Variants in OLA1 observed in about 807,000 individuals in gnomAD.
OLA1 encodes obg-like ATPase 1.
In OLA1, 14 loss-of-function variants were observed where a neutral mutation model predicts 48.4. The observed-to-expected ratio is 0.29, with a 90% CI of 0.19 to 0.45. The LOEUF is 0.45. Among genes scored for constraint, OLA1 ranks in the 20% least tolerant of loss-of-function variants. The pLI is 1.00. For missense variants in OLA1, 325 were observed against 467.1 expected (o/e 0.70, Z 2.80); for synonymous variants, 127 against 150.4 (o/e 0.84, Z 1.14).
intron 4 of OLA1, among the ~76,000 whole-genome samples, chr2:174,169,574 C>G (rs1687248999): frequency 2.0e-5 from 3 of 152,178 alleles, no homozygotes; most frequent in Admixed American, 6.5e-5. Flanking sequence ...CAAAAATATT[C>G]TTAAAGAATG....
intron 4 of OLA1, among the ~76,000 whole-genome samples, chr2:174,178,754 TG>T (rs1024584485): frequency 1.3e-5 from 2 of 151,990 alleles, no homozygotes; most frequent in African/African-American, 4.8e-5. Flanking sequence ...AATTATTTTA[TG>T]TTGTAAAACT....
intron 4 of OLA1, among the ~76,000 whole-genome samples, chr2:174,211,568 C>T (rs1688244578): frequency 6.6e-6 from 1 of 152,050 alleles, no homozygotes; most frequent in Non-Finnish European, 1.5e-5. Context: ...ATGAAAAATT[C>T]CTCATATTTA....
intron 7 of OLA1, among the ~76,000 whole-genome samples, chr2:174,119,248 C>T (rs1326031803): frequency 6.6e-6 from 1 of 151,834 alleles, no homozygotes; most frequent in Non-Finnish European, 1.5e-5. Context: ...ATCAATTCCA[C>T]AAAATTCATT....
chr2:174,111,304 C>T (rs1685643133), intron 7 of OLA1, among the ~76,000 whole-genome samples: 1 of 152,176 alleles, frequency 6.6e-6, no homozygotes, highest in African/African-American at 2.4e-5. Context: ...AACTCCTTGT[C>T]TACTTTTGTT....
intron 4 of OLA1, among the ~76,000 whole-genome samples, chr2:174,147,376 G>A (rs532718152): frequency 3.3e-5 from 5 of 152,134 alleles, no homozygotes; most frequent in South Asian, 4.2e-4. Context: ...GCGGTGAGCC[G>A]AGATCGTGCC....
intron 5 of OLA1, among the ~76,000 whole-genome samples, chr2:174,139,319 C>T (rs988939617): frequency 3.3e-5 from 5 of 152,214 alleles, no homozygotes; most frequent in Non-Finnish European, 1.5e-5. Flanking sequence ...CTGGAGCTAC[C>T]AGAAGCTAGA....
chr2:174,089,921 G>C, intron 7 of OLA1, among the ~76,000 whole-genome samples: 1 of 145,216 alleles, frequency 6.9e-6, no homozygotes, highest in East Asian at 2.0e-4. Context: ...AAAAAAAAAA[G>C]GACATAATTA....
At chr2:174,137,050 C>CACTA (rs1686326449) in intron 5 of OLA1, among the ~76,000 whole-genome samples, 1 of 152,140 alleles carries the variant, frequency 6.6e-6, no homozygotes, top group Non-Finnish European at 1.5e-5. Flanking sequence ...TCAGATAAAT[C>CACTA]ACTACCTATG....
chr2:174,133,191 T>G (rs1686222142), intron 5 of OLA1, among the ~76,000 whole-genome samples: 1 of 152,212 alleles, frequency 6.6e-6, no homozygotes, highest in African/African-American at 2.4e-5. Flanking sequence ...CTTTCAACTT[T>G]TCTGCATCTT....
intron 10 of OLA1, among the ~76,000 whole-genome samples, chr2:174,078,686 C>T (rs1192755285): frequency 2.0e-5 from 3 of 151,694 alleles, no homozygotes; most frequent in Admixed American, 6.6e-5. Context: ...ACAAATTCTT[C>T]GAAATTATTT....
At chr2:174,143,730 G>A (rs1686513269) in intron 4 of OLA1, among the ~76,000 whole-genome samples, 1 of 152,182 alleles carries the variant, frequency 6.6e-6, no homozygotes, top group African/African-American at 2.4e-5. Flanking sequence ...AAAGCCCTCT[G>A]ATGATCTAAA....
At chr2:174,230,652 T>C (rs1688707873) in intron 2 of OLA1, among the ~76,000 whole-genome samples, 1 of 152,136 alleles carries the variant, frequency 6.6e-6, no homozygotes, top group Non-Finnish European at 1.5e-5. Flanking sequence ...GAAGAACATA[T>C]TAAATGATAC....
chr2:174,192,511 T>C (rs555786462), intron 4 of OLA1, among the ~76,000 whole-genome samples: 1 of 152,312 alleles, frequency 6.6e-6, no homozygotes, highest in East Asian at 1.9e-4. Context: ...AGTTGAGTAG[T>C]TTCAAAAACC....
intron 4 of OLA1, among the ~76,000 whole-genome samples, chr2:174,213,121 A>G: frequency 6.6e-6 from 1 of 152,214 alleles, no homozygotes; most frequent in East Asian, 1.9e-4. Context: ...ACATACATGC[A>G]CATGCAAACT....
At chr2:174,166,066 C>T (rs1195969359) in intron 4 of OLA1, among the ~76,000 whole-genome samples, 1 of 150,632 alleles carries the variant, frequency 6.6e-6, no homozygotes. Context: ...GCAGAGGTCA[C>T]ATGAGCAGAG....
intron 2 of OLA1, among the ~76,000 whole-genome samples, chr2:174,230,718 C>A (rs1024279829): frequency 6.6e-6 from 1 of 152,118 alleles, no homozygotes; most frequent in Non-Finnish European, 1.5e-5. Flanking sequence ...AGACTAAAAA[C>A]CAGATTTCTT....
chr2:174,196,993 A>G (rs965074017), intron 4 of OLA1, among the ~76,000 whole-genome samples: 1 of 152,232 alleles, frequency 6.6e-6, no homozygotes, highest in African/African-American at 2.4e-5. Flanking sequence ...TCTATAGGTT[A>G]ATAATTTATG....
chr2:174,149,713 T>C (rs1017196508), intron 4 of OLA1, among the ~76,000 whole-genome samples: 5 of 152,210 alleles, frequency 3.3e-5, no homozygotes, highest in African/African-American at 1.2e-4. Context: ...TTGGTATGAT[T>C]TGGCAGAAAT....
chr2:174,093,498 A>G (rs1685173750), intron 7 of OLA1, among the ~76,000 whole-genome samples: 1 of 151,768 alleles, frequency 6.6e-6, no homozygotes, highest in African/African-American at 2.4e-5. Context: ...CCACCAACCA[A>G]CCAACCAATC....
Sources: allele counts gnomAD v4.1 joint callset (sites outside exome capture counted in the v4.1 genomes callset), GRCh38; gene constraint gnomAD v4.1.1; transcripts MANE v1.5; gene names NCBI Gene and HGNC (gene_info 2026-07-23, HGNC 2026-07-21).